Variants in WDR91 observed in about 807,000 individuals in gnomAD.
WDR91 encodes the protein WD repeat domain 91, also known as WD repeat-containing protein 91.
WDR91 carries 52 observed loss-of-function variants against 88.4 expected under a neutral mutation model. The observed-to-expected ratio is 0.59, with a 90% CI of 0.47 to 0.74. The LOEUF is 0.74. WDR91 is among the 30% of genes least tolerant of loss of function. WDR91 has a pLI of 0.00. For missense variants in WDR91, 824 were observed against 954.5 expected (o/e 0.86, Z 1.80); for synonymous variants, 362 against 389.5 (o/e 0.93, Z 0.83).
chr7:135,193,882 C>T (rs1831267892), intron 9 of WDR91: 1 of 563,248 alleles, frequency 1.8e-6, no homozygotes, highest in Non-Finnish European at 3.2e-6. Context: ...CTAAGCAAAA[C>T]CACAAAAAGT....
chr7:135,195,135 C>A, intron 8 of WDR91, 51 bp from the exon 9 acceptor site: 1 of 1,574,494 alleles, frequency 6.4e-7, no homozygotes. Context: ...AGTCCCCATC[C>A]TCTTCTGCTA....
chr7:135,195,168 G>T, intron 8 of WDR91, 84 bp from the exon 9 acceptor site: 1 of 1,448,812 alleles, frequency 6.9e-7, no homozygotes, highest in Non-Finnish European at 9.4e-7. Context: ...TCACTTTCCT[G>T]ACTTCCTTAC....
At position 135,208,883 on chromosome 7, in the gene WDR91, T is replaced by C. The variant is rs540495343; in HGVS notation, c.419A>G (p.Asn140Ser). The C allele has an allele frequency of 8.1e-6, 13 of 1,613,870 alleles. No homozygotes were observed. In the East Asian group the frequency reaches 1.6e-4, roughly 19 times the overall value. ...VLPFLPSPDT[N>S]PTFATYFSRQ... Reference sequence around the variant, plus strand: ...AGAAAAGTAGGTAGCAAAGGTGGGGTTGGTGTCCGGGGATGGCAGGAAGGG... The same window carrying C: ...AGAAAAGTAGGTAGCAAAGGTGGGGCTGGTGTCCGGGGATGGCAGGAAGGG... The change falls in exon 3 of 15, where the codon AAC becomes AGC. Residue 140 changes from asparagine to serine, a missense_variant. Coordinates refer to ENST00000354475, the MANE Select transcript of WDR91 (RefSeq NM_014149.4).
chr7:135,190,780 A>C (rs73725260), intron 11 of WDR91, among the ~76,000 whole-genome samples: 3,966 of 152,346 alleles, frequency 0.026, 163 homozygotes, highest in African/African-American at 0.09. Context: ...AGGAGAGATT[A>C]GCAAACTGAT....
chr7:135,211,260 C>A (rs1024133202), intron 1 of WDR91, 120 bp downstream of exon 1: 15 of 1,428,400 alleles, frequency 1.1e-5, no homozygotes, highest in African/African-American at 4.4e-5. Context: ...GCGCTGAGGT[C>A]TCCGGCGCCC....
Position 135,211,433 on chromosome 7 carries a change from T to A in WDR91, c.70A>T (p.Thr24Ser). 6.2e-7 allele frequency: 1 copy of A among 1,612,498 alleles called. No individual in the cohort carries two copies. The highest frequency in any genetic ancestry group is 1.1e-5 in the South Asian group (1 of 91,006). The change falls in exon 1 of 15, where the codon ACA (threonine) becomes TCA (serine). Residue 24 changes from threonine to serine, a missense_variant. By Grantham distance (58) the Thr-to-Ser change is moderately conservative. Transcript: ENST00000354475. The part of the protein sequence containing the change: ...EYLLFRGFTH[T>S]LRQLDAEIKA... Reference sequence around the variant, plus strand: ...ATCTCGGCGTCCAGCTGCCGCAGTGTGTGCGTGAACCCGCGGAAGAGCAGG... The same window carrying A: ...ATCTCGGCGTCCAGCTGCCGCAGTGAGTGCGTGAACCCGCGGAAGAGCAGG...
intron 11 of WDR91, among the ~76,000 whole-genome samples, chr7:135,190,381 G>A (rs1450942130): frequency 6.6e-6 from 1 of 151,952 alleles, no homozygotes; most frequent in Non-Finnish European, 1.5e-5. Context: ...GACGTGGGAG[G>A]AACCTGGCAA....
At chr7:135,192,263 G>T (rs920093171) in intron 11 of WDR91, among the ~76,000 whole-genome samples, 3 of 152,018 alleles carry the variant, frequency 2.0e-5, no homozygotes, top group African/African-American at 7.2e-5. Context: ...GACTACAAGT[G>T]AGCACCACCA....
intron 7 of WDR91, 164 bp downstream of exon 7, chr7:135,197,828 CA>C: frequency 1.2e-6 from 1 of 808,816 alleles, no homozygotes; most frequent in Non-Finnish European, 1.8e-6. Context: ...AAAAGCCAGG[CA>C]AATGATGAAC....
intron 11 of WDR91, among the ~76,000 whole-genome samples, chr7:135,190,384 C>A (rs1215741683): frequency 6.6e-6 from 1 of 152,126 alleles, no homozygotes; most frequent in African/African-American, 2.4e-5. Flanking sequence ...GTGGGAGGAA[C>A]CTGGCAAAAA....
intron 6 of WDR91, chr7:135,198,742 G>T (rs1831465170): frequency 1.3e-5 from 2 of 152,174 alleles, no homozygotes; most frequent in African/African-American, 2.4e-5. Context: ...AGATAAATCG[G>T]ACAGGAAATA....
Position 135,200,228 on chromosome 7 carries a change from A to G in WDR91, c.892-2077T>C, listed in dbSNP as rs1170395527. On this transcript the variant is annotated intron_variant, in intron 6 of 14. Transcript: ENST00000354475. Reference sequence around the variant, plus strand: ...AATTTGTGTCTAGCCACAAATGTACAAAACAAGTGAATGCTTACTGGCAAC... The same window carrying G: ...AATTTGTGTCTAGCCACAAATGTACGAAACAAGTGAATGCTTACTGGCAAC... The G allele has an allele frequency of 2.6e-5, 4 of 152,258 alleles. 1 individual carries two copies. The highest frequency in any genetic ancestry group is 9.6e-5 in the African/African-American group (4 of 41,464). 9.4% of individuals were successfully genotyped at this position (152,258 alleles called of 1,614,324 possible).
chr7:135,201,184 T>C (rs1831554955), intron 6 of WDR91, among the ~76,000 whole-genome samples: 1 of 151,816 alleles, frequency 6.6e-6, no homozygotes, highest in Non-Finnish European at 1.5e-5. Context: ...GCTCACCAAG[T>C]GGGTGTGAAA....
In WDR91 at chr7:135,209,620, G is replaced by C. The variant is rs1417224578; in HGVS notation, c.259C>G (p.Leu87Val). The C allele has an allele frequency of 6.2e-7, 1 of 1,610,770 alleles. No homozygotes were observed. Among genetic ancestry groups the C allele is most frequent in the Non-Finnish European group, 8.5e-7 (1 of 1,178,416 alleles). The change falls in exon 2 of 15, where the codon CTG (leucine) becomes GTG (valine). Residue 87 changes from leucine (L) to valine (V), a missense_variant. By Grantham distance (32) the Leu-to-Val change is conservative. Coordinates refer to ENST00000354475, the MANE Select transcript of WDR91 (RefSeq NM_014149.4). ...TAAAATCGAAACAGGCTGGTTTTCA[G>C]CTTGTGGATTGTGGGTCTGTATATA... ...EDIYRPTIHK[L>V]KTSLFRFYLV...
intron 7 of WDR91, chr7:135,197,566 T>G (rs1831418438): frequency 6.2e-6 from 1 of 160,200 alleles, no homozygotes; most frequent in Non-Finnish European, 1.4e-5. Context: ...TACAGGCAGC[T>G]GGGCCTCAGG....
At position 135,204,429 on chromosome 7, in the gene WDR91, T is replaced by C. The variant is rs1453240300; in HGVS notation, c.730A>G (p.Met244Val). The change falls in exon 6 of 15, where the codon ATG becomes GTG. Residue 244 changes from methionine to valine, a missense_variant. Met to Val is a conservative substitution (Grantham distance 21). Coordinates refer to ENST00000354475, the MANE Select transcript of WDR91 (RefSeq NM_014149.4). Reference protein sequence around the residue: ...MDRLGDSELAMVCSQRNASLS... With the variant: ...MDRLGDSELAVVCSQRNASLS... Reference sequence around the variant, plus strand: ...GAGGCATTCCTTTGGCTGCACACCATGGCACTGGTCAGCAAACACACCACA... The same window carrying C: ...GAGGCATTCCTTTGGCTGCACACCACGGCACTGGTCAGCAAACACACCACA... The C allele has an allele frequency of 2.5e-6, 4 of 1,613,956 alleles. No homozygotes were observed. The Admixed American group carries it at 5.0e-5, about 20-fold the overall frequency.
At chr7:135,207,080 C>G (rs773853122) in intron 4 of WDR91, 40 bp downstream of exon 4, 3 of 1,556,600 alleles carry the variant, frequency 1.9e-6, no homozygotes, top group Admixed American at 1.7e-5. Context: ...ACACAAAAAG[C>G]AGAAGTACTT....
intron 1 of WDR91, among the ~76,000 whole-genome samples, chr7:135,210,483 T>C (rs1831974563): frequency 1.3e-5 from 2 of 152,044 alleles, no homozygotes; most frequent in Non-Finnish European, 2.9e-5. Flanking sequence ...CATGAGGAGG[T>C]GCATGGACTG....
chr7:135,206,110 T>C (rs747877788), intron 4 of WDR91, 52 bp from the exon 5 acceptor site: 11 of 1,612,556 alleles, frequency 6.8e-6, no homozygotes, highest in Non-Finnish European at 9.3e-6. Flanking sequence ...ACCTTCCCTC[T>C]GCGGAGGAAG....
Sources: gnomAD v4.1 joint callset for allele counts (sites outside exome capture counted in the v4.1 genomes callset) on GRCh38, gnomAD v4.1.1 for gene constraint, MANE v1.5 for transcripts, NCBI Gene and HGNC (gene_info 2026-07-23, HGNC 2026-07-21) for gene names.